The following DGKB variants were observed in gnomAD, a reference collection of about 807,000 sequenced individuals.
DGKB encodes the protein diacylglycerol kinase beta, also known as 90 kDa diacylglycerol kinase.
Under a neutral mutation model 114.3 loss-of-function variants are expected in DGKB, and 67 were observed. That is an observed-to-expected ratio of 0.59 (90% CI 0.48 to 0.72). DGKB has a LOEUF of 0.72. Ranked by LOEUF, DGKB falls within the 30% of genes least tolerant of loss-of-function variation. The pLI is 0.00. For synonymous variants in DGKB, 398 were observed against 323.1 expected, an observed-to-expected ratio of 1.23 and a Z score of -2.49; for missense variants, 907 against 975.2, an observed-to-expected ratio of 0.93 and a Z score of 0.93.
At chr7:14,328,572 T>C (rs1350893252) in intron 23 of DGKB, among the ~76,000 whole-genome samples, 4 of 152,176 alleles carry the variant, frequency 2.6e-5, no homozygotes, top group South Asian at 4.1e-4. Flanking sequence ...TCTCTTTTAA[T>C]GAATCTCTCA....
At chr7:14,291,253 C>T (rs1801726042) in intron 23 of DGKB, among the ~76,000 whole-genome samples, 1 of 151,752 alleles carries the variant, frequency 6.6e-6, no homozygotes, top group Non-Finnish European at 1.5e-5. Flanking sequence ...ATGGTGCTAC[C>T]ATTAAAGTAT....
intron 1 of DGKB, among the ~76,000 whole-genome samples, chr7:14,911,282 G>A (rs1783988614): frequency 6.6e-6 from 1 of 152,068 alleles, no homozygotes; most frequent in African/African-American, 2.4e-5. Context: ...GTGTAGTTGT[G>A]TAAGGACCTG....
intron 1 of DGKB, among the ~76,000 whole-genome samples, chr7:14,934,828 T>A (rs1349491219): frequency 6.6e-6 from 1 of 152,186 alleles, no homozygotes; most frequent in Admixed American, 6.6e-5. Flanking sequence ...TGGTTATTGA[T>A]CTGTCCTTTG....
intron 1 of DGKB, among the ~76,000 whole-genome samples, chr7:14,953,590 G>A (rs1180302058): frequency 1.3e-5 from 2 of 152,222 alleles, no homozygotes; most frequent in South Asian, 4.1e-4. Flanking sequence ...CTCATACACT[G>A]CTGATGGGAA....
chr7:14,358,891 A>G (rs746636357), intron 21 of DGKB, among the ~76,000 whole-genome samples: 2 of 152,202 alleles, frequency 1.3e-5, no homozygotes, highest in African/African-American at 2.4e-5. Flanking sequence ...TTATAGATTC[A>G]ATGCCATCCC....
chr7:14,352,936 A>G (rs1813750097), intron 21 of DGKB, among the ~76,000 whole-genome samples: 1 of 139,334 alleles, frequency 7.2e-6, no homozygotes, highest in South Asian at 2.2e-4. Flanking sequence ...AAACAAACAA[A>G]AAAAACCAAA....
intron 1 of DGKB, among the ~76,000 whole-genome samples, chr7:14,880,376 T>G (rs989764647): frequency 5.2e-4 from 79 of 152,246 alleles, no homozygotes; most frequent in African/African-American, 1.8e-3. Flanking sequence ...AAGAATTGCT[T>G]GAACCTGGGA....
intron 23 of DGKB, among the ~76,000 whole-genome samples, chr7:14,297,867 C>A (rs759783311): frequency 1.3e-5 from 2 of 152,124 alleles, no homozygotes; most frequent in Non-Finnish European, 2.9e-5. Context: ...TCTCAGGATA[C>A]AAAATCAATG....
At chr7:14,250,118 C>CTATA (rs1423327874) in intron 23 of DGKB, among the ~76,000 whole-genome samples, 7 of 139,946 alleles carry the variant, frequency 5.0e-5, no homozygotes, top group Non-Finnish European at 7.6e-5. Context: ...CCACACTTGG[C>CTATA]TATATATATA....
At chr7:14,415,904 C>G (rs1162583593) in intron 21 of DGKB, among the ~76,000 whole-genome samples, 2 of 152,144 alleles carry the variant, frequency 1.3e-5, no homozygotes, top group East Asian at 1.9e-4. Context: ...AAAAGTGTTC[C>G]TATTTCTCCA....
intron 20 of DGKB, among the ~76,000 whole-genome samples, chr7:14,499,907 A>G (rs765840621): frequency 6.6e-5 from 10 of 151,834 alleles, no homozygotes; most frequent in Non-Finnish European, 1.2e-4. Context: ...CCCGTGGCTC[A>G]TCCCAGCGTT....
chr7:14,730,273 G>A (rs1469065657), intron 5 of DGKB, among the ~76,000 whole-genome samples: 2 of 152,188 alleles, frequency 1.3e-5, no homozygotes, highest in Non-Finnish European at 2.9e-5. Context: ...CTAAATGGTT[G>A]GAGTTGGCAT....
intron 14 of DGKB, 143 bp downstream of exon 14, chr7:14,630,093 C>T (rs988760951): frequency 2.1e-6 from 1 of 469,522 alleles, no homozygotes. Context: ...CCACCACTTC[C>T]AATTAGCAGA....
At chr7:14,789,829 T>G (rs1055472726) in intron 2 of DGKB, among the ~76,000 whole-genome samples, 6 of 152,164 alleles carry the variant, frequency 3.9e-5, no homozygotes, top group Non-Finnish European at 5.9e-5. Flanking sequence ...CTGAGTTATA[T>G]AGTAGTGCCA....
At chr7:14,289,321 A>G (rs1225781174) in intron 23 of DGKB, among the ~76,000 whole-genome samples, 1 of 152,204 alleles carries the variant, frequency 6.6e-6, no homozygotes. Flanking sequence ...TTAGAGAAAT[A>G]CAGTGAAAAT....
intron 2 of DGKB, among the ~76,000 whole-genome samples, chr7:14,836,752 C>T (rs192732574): frequency 6.6e-6 from 1 of 152,232 alleles, no homozygotes; most frequent in Admixed American, 6.5e-5. Context: ...AGCACGGTCA[C>T]AGCATGCTGT....
intron 21 of DGKB, among the ~76,000 whole-genome samples, chr7:14,447,139 G>A (rs780852131): frequency 1.3e-5 from 2 of 152,086 alleles, no homozygotes; most frequent in Non-Finnish European, 1.5e-5. Flanking sequence ...AGGTATGCAC[G>A]GATGCATCAC....
At chr7:14,563,473 T>C (rs2128677342) in intron 20 of DGKB, among the ~76,000 whole-genome samples, 1 of 152,308 alleles carries the variant, frequency 6.6e-6, no homozygotes, top group South Asian at 2.1e-4. Flanking sequence ...AGTGAATTTT[T>C]TAGTTCAATT....
At chr7:14,257,034 A>G (rs537190198) in intron 23 of DGKB, among the ~76,000 whole-genome samples, 6 of 152,136 alleles carry the variant, frequency 3.9e-5, no homozygotes, top group Admixed American at 2.0e-4. Flanking sequence ...ATGGTGGCAT[A>G]CTCTTGAAGT....
Sources: allele counts gnomAD v4.1 joint callset (sites outside exome capture counted in the v4.1 genomes callset), GRCh38; gene constraint gnomAD v4.1.1; transcripts MANE v1.5; gene names NCBI Gene and HGNC (gene_info 2026-07-23, HGNC 2026-07-21).